Variants in PLXNA2 observed in about 807,000 individuals in gnomAD.
PLXNA2 encodes plexin-A2.
Under a neutral mutation model 193.5 loss-of-function variants are expected in PLXNA2, and 91 were observed. The ratio of observed to expected loss-of-function variants is 0.47; its 90% confidence interval spans 0.40 to 0.56. The LOEUF (loss-of-function observed/expected upper bound fraction) is 0.56. Among genes scored for constraint, PLXNA2 ranks in the 20% least tolerant of loss-of-function variants. The probability of loss-of-function intolerance (pLI) is 0.00; values close to 1 mark genes in which losing one functional copy is unlikely to be tolerated. For synonymous variants in PLXNA2, 997 were observed against 1,027.3 expected (o/e 0.97, Z 0.56); for missense variants, 1,995 against 2,503.2 (o/e 0.80, Z 4.33).
chr1:208,052,411 G>A lies in PLXNA2; in HGVS notation c.2909C>T (p.Thr970Ile). Residue 970 changes from threonine (T) to isoleucine (I), a missense_variant, in exon 15 of 32, where the codon ACT becomes ATT. Physicochemically the swap from Thr to Ile is moderately conservative, Grantham distance 89. Coordinates refer to ENST00000367033, the MANE Select transcript of PLXNA2 (RefSeq NM_025179.4). ...GTAATGGCCGGTAATGGTCACCATA[G>A]TGCCTCCTGACTCGGGACCTCGGAT... ...NPIRGPESGG[T>I]MVTITGHYLG... 1.2e-6 allele frequency: 2 copies of A among 1,614,118 alleles called. No homozygotes were observed. Among genetic ancestry groups the A allele is most frequent in the Non-Finnish European group, 1.7e-6 (2 of 1,179,964 alleles).
intron 4 of PLXNA2, among the ~76,000 whole-genome samples, chr1:208,122,192 G>T (rs1174055124): frequency 6.6e-6 from 1 of 152,132 alleles, no homozygotes; most frequent in Non-Finnish European, 1.5e-5. Context: ...CCCATAAACG[G>T]CTATAAATAT....
At chr1:208,137,523 A>G (rs1033159123) in intron 4 of PLXNA2, among the ~76,000 whole-genome samples, 2 of 152,178 alleles carry the variant, frequency 1.3e-5, no homozygotes, top group Admixed American at 6.5e-5. Flanking sequence ...CACTGAGGAT[A>G]TGGGAGCAAC....
At chr1:208,040,230 G>A (rs561302290) in intron 22 of PLXNA2, 172 bp from the exon 23 acceptor site, 11 of 607,804 alleles carry the variant, frequency 1.8e-5, no homozygotes, top group Admixed American at 1.2e-4. Context: ...ACTGTGACCT[G>A]GGGGTAGGGG....
chr1:208,219,290 G>A (rs1302648669), intron 1 of PLXNA2, among the ~76,000 whole-genome samples: 1 of 152,224 alleles, frequency 6.6e-6, no homozygotes, highest in Non-Finnish European at 1.5e-5. Context: ...TCAGAGAGCA[G>A]AGCCTGGAGG....
At chr1:208,188,243 G>A (rs924410902) in intron 3 of PLXNA2, among the ~76,000 whole-genome samples, 2 of 152,126 alleles carry the variant, frequency 1.3e-5, no homozygotes, top group African/African-American at 2.4e-5. Flanking sequence ...TACATGTCAC[G>A]AGGTTCTAGC....
At chr1:208,174,751 C>A (rs1197261391) in intron 3 of PLXNA2, among the ~76,000 whole-genome samples, 1 of 152,164 alleles carries the variant, frequency 6.6e-6, no homozygotes, top group East Asian at 1.9e-4. Context: ...CAATGCACTC[C>A]CTGCTCCACA....
intron 9 of PLXNA2, among the ~76,000 whole-genome samples, chr1:208,091,350 G>C (rs1666702213): frequency 6.6e-6 from 1 of 152,172 alleles, no homozygotes; most frequent in African/African-American, 2.4e-5. Flanking sequence ...GAAGCAACCA[G>C]CACTGCTATC....
intron 1 of PLXNA2, among the ~76,000 whole-genome samples, chr1:208,228,388 C>T (rs1216043283): frequency 2.0e-5 from 3 of 152,194 alleles, no homozygotes; most frequent in Non-Finnish European, 4.4e-5. Flanking sequence ...CAGGAATCCT[C>T]GTGCTGCCTC....
intron 17 of PLXNA2, among the ~76,000 whole-genome samples, chr1:208,047,852 G>T (rs1571860263): frequency 6.6e-6 from 1 of 152,230 alleles, no homozygotes; most frequent in Non-Finnish European, 1.5e-5. Flanking sequence ...AAACAAAGCG[G>T]CTCACTGCGG....
intron 12 of PLXNA2, among the ~76,000 whole-genome samples, chr1:208,066,416 G>T (rs1665797701): frequency 6.6e-6 from 1 of 152,148 alleles, no homozygotes; most frequent in Non-Finnish European, 1.5e-5. Context: ...CTACAGTCTT[G>T]TGCTGCATAT....
chr1:208,166,677 G>A (rs924705459), intron 3 of PLXNA2, among the ~76,000 whole-genome samples: 3 of 152,168 alleles, frequency 2.0e-5, no homozygotes, highest in Non-Finnish European at 4.4e-5. Flanking sequence ...ATCAACAAAT[G>A]TACAAAGTTT....
In PLXNA2 at chr1:208,044,786, G is replaced by A; in HGVS notation, c.3640-44C>T. ...CAGACGCACATGGATGCACACAGGT[G>A]TAGAGCCCGGGCATGCCAGCAGATC... On this transcript the variant is annotated intron_variant, in intron 19 of 31. Coordinates refer to ENST00000367033, the MANE Select transcript of PLXNA2 (RefSeq NM_025179.4). This position sits in a 1 kb window ranked among gnomAD's most constrained non-coding sequence, Gnocchi z 4.9. 2 of 1,470,388 alleles carry A rather than the reference G, an allele frequency of 1.4e-6. No individual in the cohort carries two copies. Among genetic ancestry groups the A allele is most frequent in the Non-Finnish European group, 9.4e-7 (1 of 1,060,740 alleles). 91.1% of individuals were successfully genotyped at this position (1,470,388 alleles called of 1,614,324 possible).
chr1:208,107,474 T>C (rs1410798218), intron 4 of PLXNA2, among the ~76,000 whole-genome samples: 2 of 152,098 alleles, frequency 1.3e-5, no homozygotes, highest in South Asian at 2.1e-4. Flanking sequence ...TCATTCTGCA[T>C]CTATGAAGTC....
At chr1:208,190,260 C>G (rs1348818059) in intron 3 of PLXNA2, among the ~76,000 whole-genome samples, 1 of 152,154 alleles carries the variant, frequency 6.6e-6, no homozygotes, top group Non-Finnish European at 1.5e-5. Flanking sequence ...TGACCTTGTG[C>G]AGAGAGCTAG....
chr1:208,101,200 C>T (rs1023752768), intron 5 of PLXNA2, among the ~76,000 whole-genome samples: 1 of 152,160 alleles, frequency 6.6e-6, no homozygotes, highest in Admixed American at 6.6e-5. Context: ...GAGACAATAA[C>T]ACACTTGCAA....
chr1:208,200,577 C>CTTTTTTTTTTTTTTTTTTTTTTTTTTTT (rs36026400), intron 3 of PLXNA2, among the ~76,000 whole-genome samples: 4 of 114,000 alleles, frequency 3.5e-5, no homozygotes, highest in Non-Finnish European at 3.4e-5. Flanking sequence ...CCCAATCCTT[C>CTTTTTTTTTTTTTTTTTTTTTTTTTTTT]TTTTTTTTTT....
At chr1:208,216,642 G>T in intron 2 of PLXNA2, 93 bp downstream of exon 2, 1 of 1,414,678 alleles carries the variant, frequency 7.1e-7, no homozygotes, top group Non-Finnish European at 9.5e-7. Flanking sequence ...CAGGTCCATG[G>T]TGGTGTGGGA....
chr1:208,143,877 G>T (rs1668530563), intron 3 of PLXNA2, among the ~76,000 whole-genome samples: 1 of 152,148 alleles, frequency 6.6e-6, no homozygotes, highest in Admixed American at 6.5e-5. Context: ...TGAAGGCAGG[G>T]ATATCTTTTC....
chr1:208,186,946 C>T (rs1290667703), intron 3 of PLXNA2, among the ~76,000 whole-genome samples: 2 of 151,570 alleles, frequency 1.3e-5, no homozygotes, highest in Non-Finnish European at 2.9e-5. Flanking sequence ...TGGTCTCGAT[C>T]TCCTGACCTC....
Sources: allele counts gnomAD v4.1 joint callset (sites outside exome capture counted in the v4.1 genomes callset), GRCh38; gene constraint gnomAD v4.1.1; non-coding constraint Gnocchi (gnomAD v3.1); transcripts MANE v1.5; gene names NCBI Gene and HGNC (gene_info 2026-07-23, HGNC 2026-07-21).